The following THSD4 variants were observed in gnomAD, a reference collection of about 807,000 sequenced individuals.
The protein encoded by THSD4 is thrombospondin type 1 domain containing 4.
In THSD4, 69 loss-of-function variants were observed where a neutral mutation model predicts 119.0. The observed-to-expected ratio is 0.58, with a 90% CI of 0.48 to 0.71. THSD4 has a LOEUF of 0.71. Among genes scored for constraint, THSD4 ranks in the 30% least tolerant of loss-of-function variants. The probability of loss-of-function intolerance (pLI) is 0.00; values close to 1 mark genes in which losing one functional copy is unlikely to be tolerated. For synonymous variants in THSD4, 524 were observed against 540.4 expected (o/e 0.97, Z 0.42); for missense variants, 1,393 against 1,391.1 (o/e 1.00, Z -0.02).
chr15:71,716,581 T>TGTGTG (rs1567116002), intron 8 of THSD4, among the ~76,000 whole-genome samples: 2 of 43,334 alleles, frequency 4.6e-5, no homozygotes, highest in Non-Finnish European at 5.6e-5. Context: ...TGTGTGTGTG[T>TGTGTG]TGGTTTTTGT....
chr15:71,198,996 T>C (rs1290603978), intron 3 of THSD4, among the ~76,000 whole-genome samples: 2 of 152,220 alleles, frequency 1.3e-5, no homozygotes, highest in Non-Finnish European at 2.9e-5. Flanking sequence ...GTAGATTCCC[T>C]GGCAATCCCC....
chr15:71,595,101 C>T (rs2049883590), intron 7 of THSD4, among the ~76,000 whole-genome samples: 1 of 152,172 alleles, frequency 6.6e-6, no homozygotes, highest in Non-Finnish European at 1.5e-5. Flanking sequence ...TCTTACTAAA[C>T]TAAATGTATG....
At chr15:71,187,904 G>T (rs1354155856) in intron 3 of THSD4, among the ~76,000 whole-genome samples, 1 of 152,194 alleles carries the variant, frequency 6.6e-6, no homozygotes, top group Admixed American at 6.5e-5. Flanking sequence ...AGGCCCAGGT[G>T]CTGAGAGGGA....
At chr15:71,408,956 A>T (rs1402082116) in intron 6 of THSD4, among the ~76,000 whole-genome samples, 1 of 152,184 alleles carries the variant, frequency 6.6e-6, no homozygotes, top group Admixed American at 6.5e-5. Context: ...CTAAGGCAAC[A>T]GGATGCCAGG....
chr15:71,221,958 T>G (rs980686197), intron 4 of THSD4, among the ~76,000 whole-genome samples: 3 of 152,216 alleles, frequency 2.0e-5, no homozygotes, highest in Non-Finnish European at 4.4e-5. Flanking sequence ...TGGGGTGGTA[T>G]CTCATTGTAG....
chr15:71,335,951 T>A (rs555521490), intron 6 of THSD4, among the ~76,000 whole-genome samples: 30 of 152,238 alleles, frequency 2.0e-4, no homozygotes, highest in African/African-American at 6.5e-4. Context: ...CGGGGAATGA[T>A]GTGGAAGGCC....
intron 4 of THSD4, among the ~76,000 whole-genome samples, chr15:71,227,487 G>T (rs955398519): frequency 6.6e-6 from 1 of 152,168 alleles, no homozygotes; most frequent in African/African-American, 2.4e-5. Context: ...CGCATGTGGG[G>T]GTTGCTATCG....
intron 6 of THSD4, among the ~76,000 whole-genome samples, chr15:71,394,473 A>G (rs1229955299): frequency 6.6e-6 from 1 of 152,062 alleles, no homozygotes; most frequent in Non-Finnish European, 1.5e-5. Context: ...GTGTTTCACC[A>G]TGTTAGCCGG....
chr15:71,352,334 G>A (rs145233207), intron 6 of THSD4, among the ~76,000 whole-genome samples: 53 of 152,332 alleles, frequency 3.5e-4, no homozygotes, highest in Non-Finnish European at 8.8e-5. Flanking sequence ...ACACATGGCC[G>A]GAGTTTATCC....
intron 5 of THSD4, among the ~76,000 whole-genome samples, chr15:71,247,133 G>T (rs2044210698): frequency 6.6e-6 from 1 of 151,998 alleles, no homozygotes; most frequent in African/African-American, 2.4e-5. Flanking sequence ...CCTGGCCTCA[G>T]GTGATCTGCC....
intron 6 of THSD4, among the ~76,000 whole-genome samples, chr15:71,291,848 T>C (rs543209219): frequency 2.0e-5 from 3 of 152,120 alleles, no homozygotes; most frequent in Non-Finnish European, 4.4e-5. Flanking sequence ...GGAGGCCTCC[T>C]ACCCTTAGTC....
At chr15:71,122,414 C>T (rs1189286248) in intron 1 of THSD4, among the ~76,000 whole-genome samples, 1 of 152,146 alleles carries the variant, frequency 6.6e-6, no homozygotes, top group Non-Finnish European at 1.5e-5. Context: ...AAAACAAATA[C>T]TGGCGGTGGG....
chr15:71,482,606 A>G (rs2047750549), intron 7 of THSD4, among the ~76,000 whole-genome samples: 1 of 143,260 alleles, frequency 7.0e-6, no homozygotes, highest in Non-Finnish European at 1.5e-5. Context: ...TTTTTTTGAG[A>G]GGGAGTTTTG....
At chr15:71,243,847 C>T (rs979460566) in intron 5 of THSD4, among the ~76,000 whole-genome samples, 7 of 140,764 alleles carry the variant, frequency 5.0e-5, no homozygotes, top group Non-Finnish European at 7.5e-5. Context: ...CACAGTGGCG[C>T]GATCTTGTCT....
At chr15:71,377,627 A>G (rs1235657449) in intron 6 of THSD4, among the ~76,000 whole-genome samples, 1 of 152,010 alleles carries the variant, frequency 6.6e-6, no homozygotes, top group East Asian at 1.9e-4. Context: ...GGCGGGCGTG[A>G]TGAGGCCTGC....
intron 7 of THSD4, among the ~76,000 whole-genome samples, chr15:71,528,506 C>G (rs1358306114): frequency 1.3e-5 from 2 of 152,200 alleles, no homozygotes; most frequent in African/African-American, 4.8e-5. Context: ...TTGTCCACTT[C>G]TGTGAGCTTG....
At position 71,545,066 on chromosome 15, in the gene THSD4, A is replaced by G. The variant is rs572235756; in HGVS notation, c.1153-115464A>G. 2.6e-5 allele frequency among the ~76,000 whole-genome samples: 4 copies of G among 152,320 alleles called. No homozygotes were observed. In the South Asian group the frequency reaches 8.3e-4, roughly 32 times the overall value. ...AGAGTTTCTGTTTGGGATAATGGAA[A>G]AGTTCTAGAAATGAATAGTGGTGAT... On this transcript the variant is annotated intron_variant, in intron 7 of 17. Transcript: ENST00000261862.
chr15:71,275,205 G>A (rs1259131137), intron 6 of THSD4, among the ~76,000 whole-genome samples: 3 of 151,870 alleles, frequency 2.0e-5, no homozygotes, highest in African/African-American at 7.3e-5. Context: ...CCACCAAGCT[G>A]AGAGCAGCGA....
rs1220586695 is a variant in THSD4, at chr15:71,777,236, A to G, written c.2919A>G (p.Glu973=). 6.2e-7 allele frequency: 1 copy of G among 1,614,186 alleles called. No individual in the cohort carries two copies. Among genetic ancestry groups the G allele is most frequent in the East Asian group, 2.2e-5 (1 of 44,870 alleles). The part of the protein sequence containing the change: ...NPQDCVPEVD[E]NCKDKYYNCN... ...GTTCATTCTCTTTCGCTACAGATGA[A>G]AACTGCAAGGACAAGTACTACAACT... Residue 973 remains glutamate (E), a synonymous_variant, in exon 18 of 18, where the codon GAA becomes GAG. Transcript: ENST00000261862.
Sources: allele counts gnomAD v4.1 joint callset (sites outside exome capture counted in the v4.1 genomes callset), GRCh38; gene constraint gnomAD v4.1.1; transcripts MANE v1.5; gene names NCBI Gene and HGNC (gene_info 2026-07-23, HGNC 2026-07-21).